Variants in TAOK3 observed in about 807,000 individuals in gnomAD.
The protein encoded by TAOK3 is serine/threonine-protein kinase TAO3.
In TAOK3, 40 loss-of-function variants were observed where a neutral mutation model predicts 120.4. The observed-to-expected ratio is 0.33, with a 90% CI of 0.26 to 0.43. The LOEUF is 0.43. TAOK3 is among the 20% of genes least tolerant of loss of function. The pLI, the probability that TAOK3 is intolerant of heterozygous loss-of-function variation, is 1.00. For synonymous variants in TAOK3, 355 were observed against 387.5 expected (o/e 0.92, Z 0.99); for missense variants, 821 against 1,112.1 (o/e 0.74, Z 3.72).
At position 118,172,511 on chromosome 12, in the gene TAOK3, G is replaced by T; in HGVS notation, c.1845C>A (p.Phe615Leu). 2 of 1,614,146 alleles carry T rather than the reference G, an allele frequency of 1.2e-6. No individual in the cohort carries two copies. The highest frequency in any genetic ancestry group is 1.7e-6 in the Non-Finnish European group (2 of 1,180,030). ...GCCGCTTGATCATTATTTTCCGCTT[G>T]AAGAAACGACAATTTTTGTCGTAGT... Reference protein sequence around the residue: ...RLYYDKNCRFFKRKIMIKRHE... With the variant: ...RLYYDKNCRFLKRKIMIKRHE... Residue 615 changes from phenylalanine to leucine, a missense_variant, in exon 17 of 21, where the codon TTC becomes TTA. Phe to Leu is a conservative substitution (Grantham distance 22). Around this residue, in one of 2 missense-constraint regions of TAOK3, gnomAD observed 354 missense variants for 572.1 expected, o/e 0.62. Transcript: ENST00000392533.
intron 3 of TAOK3, among the ~76,000 whole-genome samples, 180 bp from the exon 4 acceptor site, chr12:118,245,145 G>C (rs983942415): frequency 6.6e-6 from 1 of 152,034 alleles, no homozygotes; most frequent in South Asian, 2.1e-4. Flanking sequence ...CGATTCTCCT[G>C]TTTCAGCCTC....
chr12:118,357,878 G>A lies in TAOK3; in HGVS notation c.-194+14770C>T, dbSNP rs138002713. On this transcript the variant is annotated intron_variant, in intron 1 of 20. Coordinates refer to ENST00000392533, the MANE Select transcript of TAOK3 (RefSeq NM_016281.4). ...TGACATCACATTTTAAAGATTATTTGACACTTAAAATTTCCTTTTTCATAC... is the reference window on the plus strand; with the variant it reads ...TGACATCACATTTTAAAGATTATTTAACACTTAAAATTTCCTTTTTCATAC... 4.9e-3 allele frequency among the ~76,000 whole-genome samples: 739 copies of A among 152,278 alleles called. 3 individuals carry two copies. Among genetic ancestry groups the A allele is most frequent in the Non-Finnish European group, 8.2e-3 (559 of 68,014 alleles).
chr12:118,355,497 A>T (rs1350086562), intron 1 of TAOK3, among the ~76,000 whole-genome samples: 1 of 152,248 alleles, frequency 6.6e-6, no homozygotes, highest in Non-Finnish European at 1.5e-5. Flanking sequence ...TTAAATCTAC[A>T]GTCGATCCCT....
intron 1 of TAOK3, among the ~76,000 whole-genome samples, chr12:118,303,079 A>T (rs1381796444): frequency 6.6e-6 from 1 of 152,168 alleles, no homozygotes; most frequent in East Asian, 1.9e-4. Flanking sequence ...CCTTTACTGA[A>T]TTCCTTTCAC....
At chr12:118,267,214 ATTAT>A (rs1467317038) in intron 1 of TAOK3, among the ~76,000 whole-genome samples, 1 of 151,896 alleles carries the variant, frequency 6.6e-6, no homozygotes, top group Non-Finnish European at 1.5e-5. Flanking sequence ...GGTGATGATT[ATTAT>A]TTATTTATTT....
At chr12:118,210,119 C>G (rs2038546803) in intron 11 of TAOK3, among the ~76,000 whole-genome samples, 1 of 152,096 alleles carries the variant, frequency 6.6e-6, no homozygotes, top group Non-Finnish European at 1.5e-5. Flanking sequence ...TGGGGAGGGG[C>G]CTCTTTAAAT....
At position 118,152,378 on chromosome 12, in the gene TAOK3, C is replaced by G; in HGVS notation, c.2384G>C (p.Cys795Ser). Residue 795 changes from cysteine (C) to serine (S), a missense_variant, in exon 20 of 21, where the codon TGC becomes TCC. By Grantham distance (112) the Cys-to-Ser change is moderately radical (BLOSUM62 -1). This residue lies in a region of TAOK3 where 354 missense variants were observed against 572.1 expected (regional missense o/e 0.62). Transcript: ENST00000392533. ...LRLDEAQEAE[C>S]QALRLQLQQE... The stretch of plus-strand genomic sequence containing the variant: ...CTGGAGCTGTAGCCTCAAGGCCTGG[C>G]ATTCTGCTTCTTGAGCCTCATCTAG... The G allele has an allele frequency of 6.2e-7, 1 of 1,613,530 alleles. No individual in the cohort carries two copies. The highest frequency in any genetic ancestry group is 8.5e-7 in the Non-Finnish European group (1 of 1,179,932).
chr12:118,314,443 A>G (rs137896136), intron 1 of TAOK3, among the ~76,000 whole-genome samples: 458 of 152,340 alleles, frequency 3.0e-3, no homozygotes, highest in African/African-American at 0.011. Context: ...TAAAAATGAC[A>G]TGGTAAATGG....
At chr12:118,347,549 C>T (rs1335898944) in intron 1 of TAOK3, among the ~76,000 whole-genome samples, 3 of 152,152 alleles carry the variant, frequency 2.0e-5, no homozygotes, top group African/African-American at 4.8e-5. Context: ...CCTCTCAGGT[C>T]ATATCCTTCC....
chr12:118,236,897 A>G (rs1383740850), intron 7 of TAOK3, among the ~76,000 whole-genome samples: 1 of 152,202 alleles, frequency 6.6e-6, no homozygotes, highest in Non-Finnish European at 1.5e-5. Flanking sequence ...AAGATAAAGC[A>G]TAATACAGAC....
chr12:118,296,253 T>A (rs929673322), intron 1 of TAOK3, among the ~76,000 whole-genome samples: 1 of 152,186 alleles, frequency 6.6e-6, no homozygotes, highest in Non-Finnish European at 1.5e-5. Context: ...TGACTCAGTC[T>A]CCTGAGTAGC....
chr12:118,317,367 T>C (rs1411298656), intron 1 of TAOK3, among the ~76,000 whole-genome samples: 1 of 150,818 alleles, frequency 6.6e-6, no homozygotes, highest in Non-Finnish European at 1.5e-5. Flanking sequence ...GGCGCGATCT[T>C]GGCTCACTAC....
chr12:118,217,246 C>G (rs1415949601), intron 9 of TAOK3, among the ~76,000 whole-genome samples: 1 of 152,112 alleles, frequency 6.6e-6, no homozygotes, highest in Non-Finnish European at 1.5e-5. Flanking sequence ...AAACACAAAA[C>G]AAGAAACCAG....
At chr12:118,206,784 A>G (rs748103627) in intron 11 of TAOK3, among the ~76,000 whole-genome samples, 2 of 151,626 alleles carry the variant, frequency 1.3e-5, no homozygotes, top group Non-Finnish European at 2.9e-5. Context: ...TTTAATAGAG[A>G]TGGGGTTTCA....
intron 1 of TAOK3, among the ~76,000 whole-genome samples, chr12:118,346,298 G>A (rs2044856624): frequency 3.9e-5 from 6 of 152,194 alleles, no homozygotes; most frequent in African/African-American, 1.4e-4. Flanking sequence ...TCTTCTAGTT[G>A]GAAACTCCCA....
intron 1 of TAOK3, among the ~76,000 whole-genome samples, chr12:118,278,576 G>C (rs1593388706): frequency 6.6e-6 from 1 of 152,146 alleles, no homozygotes; most frequent in East Asian, 1.9e-4. Flanking sequence ...CCATGTCTTT[G>C]TTATTGTGAA....
In TAOK3 at chr12:118,372,163, G is replaced by A. The variant is rs2045918111; in HGVS notation, c.-194+485C>T. On this transcript the variant is annotated intron_variant, in intron 1 of 20. Transcript: ENST00000392533. The surrounding 1 kb of genome is among the most constrained non-coding windows in gnomAD (Gnocchi z 4.6). ...TCTGGGTCCCCTCCCCTCACCTCGG[G>A]GTCTCCTCTCCCCGGGTGCTGTCCC... is the stretch of plus-strand genomic sequence containing the variant. Among the ~76,000 whole-genome samples the A allele has an allele frequency of 6.7e-6, 1 of 149,164 alleles. No individual in the cohort carries two copies. Among genetic ancestry groups the A allele is most frequent in the African/African-American group, 2.5e-5 (1 of 40,276 alleles).
At position 118,150,818 on chromosome 12, in the gene TAOK3, G is replaced by C; in HGVS notation, c.*179C>G. 1 of 689,772 alleles carries C rather than the reference G, an allele frequency of 1.4e-6. No homozygotes were observed. Among genetic ancestry groups the C allele is most frequent in the Admixed American group, 3.2e-5 (1 of 31,380 alleles). The allele number at this position is 689,772 out of a possible 1,614,324, so 42.7% of individuals were successfully genotyped here. A position where few individuals can be genotyped will look rare whatever the true frequency, so the allele number is the denominator to read the frequency against. On this transcript the variant is annotated 3_prime_UTR_variant, in exon 21 of 21. Coordinates refer to ENST00000392533, the MANE Select transcript of TAOK3 (RefSeq NM_016281.4). ...CTGAAAGTTGACACGGGGGGAGGAAGGGGGCCCCTGATGGAGTAAGAATAA... is the reference window on the plus strand; with the variant it reads ...CTGAAAGTTGACACGGGGGGAGGAACGGGGCCCCTGATGGAGTAAGAATAA...
At chr12:118,297,347 C>T (rs1395200888) in intron 1 of TAOK3, among the ~76,000 whole-genome samples, 1 of 152,172 alleles carries the variant, frequency 6.6e-6, no homozygotes, top group Admixed American at 6.5e-5. Context: ...CTGGCCCTTC[C>T]TTACTTAATT....
Sources: gnomAD v4.1 joint callset for allele counts (sites outside exome capture counted in the v4.1 genomes callset) on GRCh38, gnomAD v4.1.1 for gene constraint, gnomAD v4.1.1 regional missense constraint, Gnocchi (gnomAD v3.1) non-coding constraint, MANE v1.5 for transcripts, NCBI Gene and HGNC (gene_info 2026-07-23, HGNC 2026-07-21) for gene names.